PARVA: variants seen among roughly 807,000 people sequenced by gnomAD.
PARVA encodes alpha-parvin.
Under a neutral mutation model 52.6 loss-of-function variants are expected in PARVA, and 25 were observed. The ratio of observed to expected loss-of-function variants is 0.48; its 90% confidence interval spans 0.35 to 0.66. PARVA has a LOEUF of 0.66. Among genes scored for constraint, PARVA ranks in the 30% least tolerant of loss-of-function variants. The pLI is 0.01. For missense variants in PARVA, 373 were observed against 450.9 expected, an observed-to-expected ratio of 0.83 and a Z score of 1.56; for synonymous variants, 185 against 179.1, an observed-to-expected ratio of 1.03 and a Z score of -0.26.
At chr11:12,453,088 G>GA (rs1233340314) in intron 1 of PARVA, 1 of 454,206 alleles carries the variant, frequency 2.2e-6, no homozygotes, top group Non-Finnish European at 4.4e-6. Flanking sequence ...TTCTTTGTTG[G>GA]GGGGGCGCCC....
chr11:12,437,987 G>T (rs552091709), intron 1 of PARVA, among the ~76,000 whole-genome samples: 6 of 152,234 alleles, frequency 3.9e-5, no homozygotes, highest in Admixed American at 2.6e-4. Flanking sequence ...TAGGCCGGGC[G>T]CAGTGGCTTA....
At chr11:12,424,628 A>G (rs1940200534) in intron 1 of PARVA, among the ~76,000 whole-genome samples, 2 of 152,332 alleles carry the variant, frequency 1.3e-5, no homozygotes, top group East Asian at 3.9e-4. Context: ...GGAAATAAAT[A>G]TTTCCATCAT....
chr11:12,475,929 C>T (rs1941007619), intron 3 of PARVA, among the ~76,000 whole-genome samples: 1 of 152,192 alleles, frequency 6.6e-6, no homozygotes, highest in African/African-American at 2.4e-5. Flanking sequence ...GAAGATGGAA[C>T]AGTTGAGGTG....
chr11:12,450,856 TCTC>T (rs754677516), intron 1 of PARVA, among the ~76,000 whole-genome samples: 4 of 152,268 alleles, frequency 2.6e-5, no homozygotes, highest in Admixed American at 1.3e-4. Context: ...TCTTCCATCT[TCTC>T]CTACCTGCTT....
chr11:12,427,939 G>A (rs934520319), intron 1 of PARVA, among the ~76,000 whole-genome samples: 4 of 152,150 alleles, frequency 2.6e-5, no homozygotes, highest in East Asian at 1.9e-4. Context: ...TGACCAGGGC[G>A]GAAAAGGGCA....
intron 4 of PARVA, among the ~76,000 whole-genome samples, chr11:12,482,364 C>T (rs547857921): frequency 5.9e-4 from 90 of 152,060 alleles, no homozygotes; most frequent in African/African-American, 1.9e-3. Context: ...TGGTGGCTCA[C>T]GCCTGTAATC....
At chr11:12,432,928 G>A (rs555062164) in intron 1 of PARVA, among the ~76,000 whole-genome samples, 4 of 152,282 alleles carry the variant, frequency 2.6e-5, no homozygotes, top group South Asian at 2.1e-4. Context: ...GGGCTCTGTC[G>A]TAGCCGTGGT....
At chr11:12,481,174 C>T (rs986859472) in intron 4 of PARVA, among the ~76,000 whole-genome samples, 29 of 152,294 alleles carry the variant, frequency 1.9e-4, no homozygotes, top group South Asian at 8.3e-4. Flanking sequence ...TAGAATGCAT[C>T]TGCCGCAATT....
Position 12,504,375 on chromosome 11 carries a change from C to T in PARVA, c.603C>T (p.Phe201=), listed in dbSNP as rs770056285. The change falls in exon 6 of 13, where the codon TTC becomes TTT. Residue 201 remains phenylalanine (F), a synonymous_variant. Transcript: ENST00000334956. ...TGCTCGTTGCTCTGTCTCAGTATTTCCGCGCACCAATTCGACTCCCAGACC... is the reference window on the plus strand; with the variant it reads ...TGCTCGTTGCTCTGTCTCAGTATTTTCGCGCACCAATTCGACTCCCAGACC... ...LHLLVALSQY[F]RAPIRLPDHV... The T allele has an allele frequency of 7.8e-5, 126 of 1,613,746 alleles. No homozygotes were observed. Among genetic ancestry groups the T allele is most frequent in the Non-Finnish European group, 9.3e-6 (11 of 1,179,824 alleles).
intron 1 of PARVA, among the ~76,000 whole-genome samples, chr11:12,401,270 A>G (rs1939823627): frequency 6.6e-6 from 1 of 152,260 alleles, no homozygotes; most frequent in Admixed American, 6.5e-5. Flanking sequence ...TTTTACATTT[A>G]GGAAAGCTAT....
rs1382924437 is a variant in PARVA, at chr11:12,534,932, T to C, written c.*7007T>C. ...TCCTTATGTGTGTAATATTGGAGAA[T>C]GTACACTCTCACTGAACTGGGGATG... On this transcript the variant is annotated 3_prime_UTR_variant, in exon 13 of 13. Transcript: ENST00000334956. Among the ~76,000 whole-genome samples the C allele has an allele frequency of 6.6e-6, 1 of 152,228 alleles. No homozygotes were observed. Among genetic ancestry groups the C allele is most frequent in the Non-Finnish European group, 1.5e-5 (1 of 68,038 alleles).
chr11:12,425,147 C>A (rs1383818636), intron 1 of PARVA, among the ~76,000 whole-genome samples: 1 of 152,078 alleles, frequency 6.6e-6, no homozygotes, highest in Non-Finnish European at 1.5e-5. Context: ...TCTGAGAATC[C>A]ATTAGGGGCT....
intron 4 of PARVA, among the ~76,000 whole-genome samples, chr11:12,484,415 A>G (rs949417092): frequency 1.3e-5 from 2 of 152,120 alleles, no homozygotes; most frequent in Admixed American, 6.6e-5. Flanking sequence ...TCACAGTAAC[A>G]TGTGACTGAA....
At chr11:12,442,585 G>T (rs1187336186) in intron 1 of PARVA, among the ~76,000 whole-genome samples, 1 of 151,990 alleles carries the variant, frequency 6.6e-6, no homozygotes, top group Non-Finnish European at 1.5e-5. Flanking sequence ...TCAGGTACAA[G>T]ACAAAAAGCC....
chr11:12,395,910 A>T (rs1302216315), intron 1 of PARVA, among the ~76,000 whole-genome samples: 1 of 152,268 alleles, frequency 6.6e-6, no homozygotes, highest in Non-Finnish European at 1.5e-5. Flanking sequence ...ATGAGTGGAT[A>T]TAAGATTTTC....
At chr11:12,384,871 T>C (rs1224939515) in intron 1 of PARVA, among the ~76,000 whole-genome samples, 1 of 152,110 alleles carries the variant, frequency 6.6e-6, no homozygotes, top group African/African-American at 2.4e-5. Context: ...TGGAAGCCAT[T>C]GTAAAACTTG....
chr11:12,381,437 C>A (rs1197017379), intron 1 of PARVA, among the ~76,000 whole-genome samples: 1 of 152,162 alleles, frequency 6.6e-6, no homozygotes, highest in Non-Finnish European at 1.5e-5. Flanking sequence ...CCCAAGGACT[C>A]CCATTCATTC....
rs117200847 is a variant in PARVA at position 12,390,272 on chromosome 11, G to A, written c.136+12489G>A. Among the ~76,000 whole-genome samples the A allele has an allele frequency of 5.6e-3, 852 of 152,318 alleles. 3 individuals are homozygous for A. The highest frequency in any genetic ancestry group is 9.2e-3 in the Non-Finnish European group (623 of 68,022). On this transcript the variant is annotated intron_variant, in intron 1 of 12. Coordinates refer to ENST00000334956, the MANE Select transcript of PARVA (RefSeq NM_018222.5). ...TGTCTTGGCTAGCATGGTTTTGGCC[G>A]TGCGATGTGTTGAGAGCCCCTGGTG...
intron 6 of PARVA, among the ~76,000 whole-genome samples, chr11:12,507,199 G>A (rs1355922142): frequency 3.3e-5 from 5 of 152,084 alleles, no homozygotes; most frequent in Admixed American, 2.6e-4. Flanking sequence ...GGAACTTTGG[G>A]CAGGAGGCTC....
Sources: allele counts gnomAD v4.1 joint callset (sites outside exome capture counted in the v4.1 genomes callset), GRCh38; gene constraint gnomAD v4.1.1; transcripts MANE v1.5; gene names NCBI Gene and HGNC (gene_info 2026-07-23, HGNC 2026-07-21).